Variants in ZFYVE28 observed in about 807,000 individuals in gnomAD.
ZFYVE28 encodes lateral signaling target protein 2 homolog.
A neutral mutation model predicts 82.1 loss-of-function variants in ZFYVE28; 40 were observed. That is an observed-to-expected ratio of 0.49 (90% CI 0.38 to 0.63). The LOEUF (loss-of-function observed/expected upper bound fraction) is 0.63, where lower values mean the gene tolerates loss of function less well. Ranked by LOEUF, ZFYVE28 falls within the 30% of genes least tolerant of loss-of-function variation. The pLI, the probability that ZFYVE28 is intolerant of heterozygous loss-of-function variation, is 0.00. For synonymous variants in ZFYVE28, 612 were observed against 546.1 expected, an observed-to-expected ratio of 1.12 and a Z score of -1.68; for missense variants, 1,321 against 1,242.1, an observed-to-expected ratio of 1.06 and a Z score of -0.96.
chr4:2,359,027 T>G (rs112262228), intron 1 of ZFYVE28, among the ~76,000 whole-genome samples: 2,095 of 147,508 alleles, frequency 0.014, 49 homozygotes, highest in African/African-American at 0.05. Context: ...CAGGCTGGAG[T>G]GCAGTGGTGC....
At chr4:2,296,278 G>A (rs938064754) in intron 8 of ZFYVE28, among the ~76,000 whole-genome samples, 1 of 152,176 alleles carries the variant, frequency 6.6e-6, no homozygotes, top group Non-Finnish European at 1.5e-5. Flanking sequence ...ACTGTCCCTT[G>A]TGGGGTTCTG....
intron 7 of ZFYVE28, among the ~76,000 whole-genome samples, chr4:2,315,715 G>C (rs1718107879): frequency 6.6e-6 from 1 of 152,074 alleles, no homozygotes; most frequent in Non-Finnish European, 1.5e-5. Context: ...CAAATTTTTT[G>C]TCTTTGTTTT....
intron 1 of ZFYVE28, among the ~76,000 whole-genome samples, chr4:2,395,374 T>C (rs1344470065): frequency 1.3e-5 from 2 of 152,244 alleles, no homozygotes; most frequent in Non-Finnish European, 2.9e-5. Context: ...GCATGCAAGG[T>C]GAAGCCTTTG....
intron 1 of ZFYVE28, among the ~76,000 whole-genome samples, chr4:2,357,797 G>GA (rs1725554035): frequency 6.6e-6 from 1 of 152,170 alleles, no homozygotes; most frequent in South Asian, 2.1e-4. Flanking sequence ...TCGGCTCTGA[G>GA]AAAGAGGACA....
chr4:2,303,219 T>C (rs612428), intron 8 of ZFYVE28, among the ~76,000 whole-genome samples: 129,527 of 152,102 alleles, frequency 0.85, 55,279 homozygotes, highest in African/African-American at 0.91. Flanking sequence ...GGGACCCTGG[T>C]CACTCCCACT....
intron 6 of ZFYVE28, among the ~76,000 whole-genome samples, chr4:2,334,172 C>T (rs764140415): frequency 5.6e-4 from 85 of 152,278 alleles, no homozygotes; most frequent in Non-Finnish European, 1.0e-3. Flanking sequence ...TGCGAGGACA[C>T]GGGAAGGACG....
chr4:2,271,936 G>T (rs1422261696), intron 10 of ZFYVE28, among the ~76,000 whole-genome samples, 157 bp from the exon 11 acceptor site: 3 of 152,200 alleles, frequency 2.0e-5, no homozygotes, highest in African/African-American at 7.2e-5. Flanking sequence ...CAGCAGGTTG[G>T]GCGCCGATCC....
chr4:2,360,413 A>AC lies in ZFYVE28; in HGVS notation c.40-6341dup, dbSNP rs1401159307. 2.0e-5 allele frequency among the ~76,000 whole-genome samples: 3 copies of AC among 151,506 alleles called. No individual in the cohort carries two copies. In the East Asian group the frequency reaches 5.8e-4, roughly 29 times the overall value. ...ATCACACACACACACACACACACAC[A>AC]CACACACACACACAGGCACGCACGC... On this transcript the variant is annotated intron_variant, in intron 1 of 12. Coordinates refer to ENST00000290974, the MANE Select transcript of ZFYVE28 (RefSeq NM_020972.3).
chr4:2,304,711 C>G lies in ZFYVE28; in HGVS notation c.1629G>C (p.Glu543Asp). The change falls in exon 8 of 13, where the codon GAG becomes GAC. Residue 543 changes from glutamate to aspartate, a missense_variant. Physicochemically the swap from Glu to Asp is conservative, Grantham distance 45. Around this residue, in one of 2 missense-constraint regions of ZFYVE28, gnomAD observed 978 missense variants for 833.7 expected, o/e 1.17. Coordinates refer to ENST00000290974, the MANE Select transcript of ZFYVE28 (RefSeq NM_020972.3). ...TQEAASEPVA[E>D]GMDGGPHKLS... is the part of the protein sequence containing the mutation. ...GCTTGTGGGGGCCGCCATCCATCCC[C>G]TCGGCCACGGGCTCCGAGGCGGCCT... 6.2e-7 allele frequency: 1 copy of G among 1,612,714 alleles called. No individual in the cohort carries two copies. The highest frequency in any genetic ancestry group is 1.1e-5 in the South Asian group (1 of 91,072).
rs1178064018 is a variant in ZFYVE28 at position 2,409,972 on chromosome 4, G to A, written c.39+8313C>T. ...GCTTTCCAAAGCCCCCAAGTCAGCT[G>A]CCTACGCAGAAAGCCAAACTCAGGA... On this transcript the variant is annotated intron_variant, in intron 1 of 12. Transcript: ENST00000290974. This position sits in a 1 kb window ranked among gnomAD's most constrained non-coding sequence, Gnocchi z 4.4. 6.6e-6 allele frequency among the ~76,000 whole-genome samples: 1 copy of A among 152,230 alleles called. No homozygotes were observed. Among genetic ancestry groups the A allele is most frequent in the Non-Finnish European group, 1.5e-5 (1 of 68,044 alleles).
At chr4:2,288,271 AGCCCCCCTGTG>A (rs1404467160) in intron 8 of ZFYVE28, among the ~76,000 whole-genome samples, 8 of 152,314 alleles carry the variant, frequency 5.3e-5, no homozygotes, top group Non-Finnish European at 8.8e-5. Flanking sequence ...CCATCTCCTA[AGCCCCCCTGTG>A]GCCCCAGAGC....
chr4:2,317,863 C>T (rs1718457897), intron 7 of ZFYVE28, among the ~76,000 whole-genome samples: 1 of 152,186 alleles, frequency 6.6e-6, no homozygotes, highest in South Asian at 2.1e-4. Context: ...AAACTCCTGA[C>T]CTCAGGTGAT....
At chr4:2,350,463 C>CAAAA in intron 2 of ZFYVE28, among the ~76,000 whole-genome samples, 1 of 120,830 alleles carries the variant, frequency 8.3e-6, no homozygotes, top group Non-Finnish European at 1.8e-5. Flanking sequence ...GACTCCGTCT[C>CAAAA]AAAAAAAAAA....
At chr4:2,377,114 C>G (rs902515988) in intron 1 of ZFYVE28, among the ~76,000 whole-genome samples, 7 of 151,794 alleles carry the variant, frequency 4.6e-5, no homozygotes, top group Non-Finnish European at 1.0e-4. Flanking sequence ...CTCCACCTCC[C>G]GGGTTCACGC....
chr4:2,401,638 A>G (rs875133), intron 1 of ZFYVE28, among the ~76,000 whole-genome samples: 129,228 of 152,050 alleles, frequency 0.85, 55,067 homozygotes, highest in Admixed American at 0.9. Context: ...TGCCTTTTCC[A>G]TGGGCCTGCC....
At chr4:2,277,180 G>A (rs921522417) in intron 8 of ZFYVE28, among the ~76,000 whole-genome samples, 5 of 152,174 alleles carry the variant, frequency 3.3e-5, no homozygotes, top group Non-Finnish European at 7.3e-5. Flanking sequence ...ATCAATAAAG[G>A]CTTTTTTTTA....
At position 2,335,861 on chromosome 4, in the gene ZFYVE28, G is replaced by C; in HGVS notation, c.612-67C>G. On this transcript the variant is annotated intron_variant, in intron 5 of 12. Coordinates refer to ENST00000290974, the MANE Select transcript of ZFYVE28 (RefSeq NM_020972.3). The surrounding 1 kb of genome is among the most constrained non-coding windows in gnomAD (Gnocchi z 5.8). ...CACCACAGCCACAGGTTGGACCCCA[G>C]CAGGGACAGGCAGTGCGCTCAATCT... 7.3e-7 allele frequency: 1 copy of C among 1,362,050 alleles called. No homozygotes were observed. The highest frequency in any genetic ancestry group is 2.5e-5 in the East Asian group (1 of 40,010). 84.4% of individuals were successfully genotyped at this position (1,362,050 alleles called of 1,614,324 possible). A position where few individuals can be genotyped will look rare whatever the true frequency, so the allele number is the denominator to read the frequency against.
chr4:2,300,495 C>T lies in ZFYVE28; in HGVS notation c.2051+3794G>A, dbSNP rs1264536920. 6.6e-6 allele frequency among the ~76,000 whole-genome samples: 1 copy of T among 152,168 alleles called. No homozygotes were observed. Among genetic ancestry groups the T allele is most frequent in the Non-Finnish European group, 1.5e-5 (1 of 68,030 alleles). On this transcript the variant is annotated intron_variant, in intron 8 of 12. Coordinates refer to ENST00000290974, the MANE Select transcript of ZFYVE28 (RefSeq NM_020972.3). The surrounding 1 kb of genome is among the most constrained non-coding windows in gnomAD (Gnocchi z 4.6). ...CACTGCTGTCTGTCGAGGACGATGT[C>T]CGGACTCCCAGGTGACAGCACCTGA...
At chr4:2,316,526 T>C (rs1055424632) in intron 7 of ZFYVE28, 1 of 152,170 alleles carries the variant, frequency 6.6e-6, no homozygotes, top group Non-Finnish European at 1.5e-5. Flanking sequence ...CTGTATAGAT[T>C]CCAATTCTCT....
Sources: gnomAD v4.1 joint callset for allele counts (sites outside exome capture counted in the v4.1 genomes callset) on GRCh38, gnomAD v4.1.1 for gene constraint, gnomAD v4.1.1 regional missense constraint, Gnocchi (gnomAD v3.1) non-coding constraint, MANE v1.5 for transcripts, NCBI Gene and HGNC (gene_info 2026-07-23, HGNC 2026-07-21) for gene names.